The following DLC1 variants were observed in gnomAD, a reference collection of about 807,000 sequenced individuals.
DLC1 encodes rho GTPase-activating protein 7.
DLC1 carries 54 observed loss-of-function variants against 140.3 expected under a neutral mutation model. The observed-to-expected ratio is 0.38, with a 90% CI of 0.31 to 0.48. The LOEUF is 0.48. Ranked by LOEUF, DLC1 falls within the 20% of genes least tolerant of loss-of-function variation. The probability of loss-of-function intolerance (pLI) is 0.96; values close to 1 mark genes in which losing one functional copy is unlikely to be tolerated. For missense variants in DLC1, 2,536 were observed against 1,907.0 expected, an observed-to-expected ratio of 1.33 and a Z score of -6.14; for synonymous variants, 986 against 728.1, an observed-to-expected ratio of 1.35 and a Z score of -5.70.
At chr8:13,131,945 A>T (rs1394084095) in intron 5 of DLC1, among the ~76,000 whole-genome samples, 1 of 152,082 alleles carries the variant, frequency 6.6e-6, no homozygotes, top group Non-Finnish European at 1.5e-5. Context: ...TGCAGAGAGG[A>T]GGGGTGCACC....
chr8:13,429,770 A>C lies in DLC1; in HGVS notation c.1024-28151T>G, dbSNP rs1236001435. Reference sequence around the variant, plus strand: ...ATTCTTCTTGCTCAGAAAGACACACAAACAAATTTTCAGCTACGTATAACT... The same window carrying C: ...ATTCTTCTTGCTCAGAAAGACACACCAACAAATTTTCAGCTACGTATAACT... On this transcript the variant is annotated intron_variant, in intron 2 of 17. Coordinates refer to ENST00000276297, the MANE Select transcript of DLC1 (RefSeq NM_182643.3). Among the ~76,000 whole-genome samples the C allele has an allele frequency of 2.6e-5, 4 of 152,334 alleles. No homozygotes were observed. In the East Asian group the frequency reaches 7.7e-4, roughly 29 times the overall value.
intron 1 of DLC1, chr8:13,566,737 C>T (rs1441942306): frequency 2.0e-6 from 1 of 489,720 alleles, no homozygotes; most frequent in Non-Finnish European, 3.6e-6. Context: ...GCAAAATCGC[C>T]AACCCGGCGC....
At chr8:13,317,130 T>G (rs530583942) in intron 4 of DLC1, among the ~76,000 whole-genome samples, 1 of 152,304 alleles carries the variant, frequency 6.6e-6, no homozygotes, top group South Asian at 2.1e-4. Context: ...GAGCTTTCTG[T>G]GAGATGCAGT....
Position 13,479,850 on chromosome 8 carries a change from G to A in DLC1, c.1023+19199C>T, listed in dbSNP as rs1381217966. Among the ~76,000 whole-genome samples the A allele has an allele frequency of 1.2e-3, 21 of 18,236 alleles. 1 individual carries two copies. The highest frequency in any genetic ancestry group is 7.8e-3 in the Admixed American group (20 of 2,554). 12.0% of individuals were successfully genotyped at this position (18,236 alleles called of 152,430 possible). A position where few individuals can be genotyped will look rare whatever the true frequency, so the allele number is the denominator to read the frequency against. ...AGAAGAAGAAGAAGAAGAAGAAGAA[G>A]AAGAAGAAGAGAAAAAGAAAGAAAG... On this transcript the variant is annotated intron_variant, in intron 2 of 17. Coordinates refer to ENST00000276297, the MANE Select transcript of DLC1 (RefSeq NM_182643.3).
intron 5 of DLC1, among the ~76,000 whole-genome samples, chr8:13,189,200 A>G (rs904208958): frequency 2.0e-5 from 3 of 152,266 alleles, no homozygotes; most frequent in Admixed American, 6.5e-5. Flanking sequence ...AGAGGCTAAA[A>G]TAGCCTCTTC....
intron 5 of DLC1, among the ~76,000 whole-genome samples, chr8:13,190,297 G>T (rs1481972724): frequency 6.6e-6 from 1 of 152,114 alleles, no homozygotes; most frequent in Admixed American, 6.5e-5. Context: ...AGGCTTTGGA[G>T]ATATCTATGG....
chr8:13,101,868 G>T (rs1819123046), intron 8 of DLC1, among the ~76,000 whole-genome samples: 1 of 152,154 alleles, frequency 6.6e-6, no homozygotes, highest in Non-Finnish European at 1.5e-5. Flanking sequence ...TTGCATCTTG[G>T]CCTTTTCGGC....
intron 5 of DLC1, among the ~76,000 whole-genome samples, chr8:13,262,032 C>T (rs1830491119): frequency 6.6e-6 from 1 of 152,102 alleles, no homozygotes; most frequent in Admixed American, 6.5e-5. Flanking sequence ...TCAAAAAAAT[C>T]AGCTTAAAAA....
At chr8:13,186,356 C>G (rs1465049576) in intron 5 of DLC1, among the ~76,000 whole-genome samples, 4 of 152,094 alleles carry the variant, frequency 2.6e-5, no homozygotes, top group East Asian at 3.9e-4. Context: ...TATTTTTACT[C>G]TTTTTACTTT....
chr8:13,499,249 C>T lies in DLC1; in HGVS notation c.823G>A (p.Gly275Arg), dbSNP rs778509153. The T allele has an allele frequency of 3.1e-6, 5 of 1,614,032 alleles. No homozygotes were observed. Among genetic ancestry groups the T allele is most frequent in the Non-Finnish European group, 4.2e-6 (5 of 1,180,026 alleles). Reference protein sequence around the residue: ...RGLPLLKTDFGSCLLQPPSCP... With the variant: ...RGLPLLKTDFRSCLLQPPSCP... ...GAAGGAGGCTGCAGAAGGCAGCTTCCAAAATCTGTTTTTAATAATGGCAGT... is the reference window on the plus strand; with the variant it reads ...GAAGGAGGCTGCAGAAGGCAGCTTCTAAAATCTGTTTTTAATAATGGCAGT... Residue 275 changes from glycine to arginine, a missense_variant, in exon 2 of 18, where the codon GGA (glycine) becomes AGA (arginine). Coordinates refer to ENST00000276297, the MANE Select transcript of DLC1 (RefSeq NM_182643.3).
At chr8:13,567,347 T>C (rs1285093435) in intron 1 of DLC1, 2 of 1,551,620 alleles carry the variant, frequency 1.3e-6, no homozygotes, top group Non-Finnish European at 1.7e-6. Flanking sequence ...GATGAAGAAT[T>C]GAATGCCCTG....
chr8:13,151,329 T>C (rs1017769489), intron 5 of DLC1, among the ~76,000 whole-genome samples: 8 of 152,184 alleles, frequency 5.3e-5, no homozygotes, highest in Admixed American at 3.9e-4. Context: ...TTTGAAGTGT[T>C]TTCAACTATT....
chr8:13,568,099 G>A (rs1260876824), intron 1 of DLC1: 2 of 839,170 alleles, frequency 2.4e-6, no homozygotes, highest in South Asian at 2.2e-5. Context: ...AGAAGGCACT[G>A]TTGTAGTTGG....
chr8:13,318,207 T>TA (rs1255415813), intron 4 of DLC1, among the ~76,000 whole-genome samples: 2 of 151,768 alleles, frequency 1.3e-5, no homozygotes, highest in African/African-American at 4.8e-5. Flanking sequence ...ATTTTTTTTT[T>TA]TTTTTTTTCA....
At chr8:13,092,466 T>A in intron 13 of DLC1, 146 bp downstream of exon 13, 1 of 846,942 alleles carries the variant, frequency 1.2e-6, no homozygotes, top group East Asian at 2.7e-5. Context: ...GGTATGTCTT[T>A]ATTAGCGGTG....
At chr8:13,509,474 C>T (rs1802259576) in intron 1 of DLC1, among the ~76,000 whole-genome samples, 1 of 152,176 alleles carries the variant, frequency 6.6e-6, no homozygotes, top group South Asian at 2.1e-4. Context: ...TGTCATCTAC[C>T]TATAAATGTT....
At chr8:13,109,685 G>C (rs1367950479) in intron 7 of DLC1, among the ~76,000 whole-genome samples, 1 of 141,390 alleles carries the variant, frequency 7.1e-6, no homozygotes, top group Non-Finnish European at 1.5e-5. Context: ...AGGAATTTGA[G>C]ACCATCCTGG....
chr8:13,161,332 TTTTTG>T (rs572371222), intron 5 of DLC1, among the ~76,000 whole-genome samples: 10 of 151,858 alleles, frequency 6.6e-5, no homozygotes, highest in Non-Finnish European at 1.5e-4. Context: ...TTGTGGGTTT[TTTTTG>T]TTTTGTTTTG....
chr8:13,364,913 T>C (rs1835407644), intron 4 of DLC1, among the ~76,000 whole-genome samples: 1 of 152,214 alleles, frequency 6.6e-6, no homozygotes, highest in Non-Finnish European at 1.5e-5. Context: ...TAAAATATAA[T>C]TGCAATGTTT....
Sources: allele counts gnomAD v4.1 joint callset (sites outside exome capture counted in the v4.1 genomes callset), GRCh38; gene constraint gnomAD v4.1.1; transcripts MANE v1.5; gene names NCBI Gene and HGNC (gene_info 2026-07-23, HGNC 2026-07-21).